Variants in MGAT5 observed in about 807,000 individuals in gnomAD.
MGAT5 encodes alpha-1,6-mannosylglycoprotein 6-beta-N-acetylglucosaminyltransferase A.
In MGAT5, 30 loss-of-function variants were observed where a neutral mutation model predicts 94.3. The ratio of observed to expected loss-of-function variants is 0.32; its 90% CI spans 0.24 to 0.43. MGAT5 has a LOEUF of 0.43. Ranked by LOEUF, MGAT5 falls within the 20% of genes least tolerant of loss-of-function variation. MGAT5 has a pLI of 1.00. For missense variants in MGAT5, 691 were observed against 905.5 expected, an observed-to-expected ratio of 0.76 and a Z score of 3.04; for synonymous variants, 310 against 322.9, an observed-to-expected ratio of 0.96 and a Z score of 0.43.
At chr2:134,359,271 C>T (rs1228754924) in intron 9 of MGAT5, among the ~76,000 whole-genome samples, 3 of 152,214 alleles carry the variant, frequency 2.0e-5, no homozygotes, top group Admixed American at 2.0e-4. Flanking sequence ...CACTGCTGTT[C>T]ACAGGGTCCA....
intron 2 of MGAT5, among the ~76,000 whole-genome samples, chr2:134,279,559 A>G (rs1391299831): frequency 1.5e-4 from 23 of 152,242 alleles, no homozygotes; most frequent in Non-Finnish European, 1.5e-5. Context: ...GTGAGACTAT[A>G]TATATCCCTG....
At chr2:134,182,693 C>T (rs1254208596) in intron 1 of MGAT5, among the ~76,000 whole-genome samples, 1 of 151,754 alleles carries the variant, frequency 6.6e-6, no homozygotes, top group African/African-American at 2.4e-5. Context: ...TACTTAATCA[C>T]TGCATTGACT....
chr2:134,171,508 A>T (rs987446437), intron 1 of MGAT5, among the ~76,000 whole-genome samples: 1 of 152,156 alleles, frequency 6.6e-6, no homozygotes, highest in Admixed American at 6.5e-5. Context: ...ATGGATTTGG[A>T]TCCTAACAAG....
intron 8 of MGAT5, among the ~76,000 whole-genome samples, chr2:134,347,394 G>A (rs1053046732): frequency 2.6e-5 from 4 of 152,138 alleles, no homozygotes; most frequent in South Asian, 2.1e-4. Flanking sequence ...TGCAAAGTCC[G>A]GGCTTTCAGG....
At chr2:134,249,642 C>A (rs1404011490), upstream of MGAT5, among the ~76,000 whole-genome samples, 1 of 152,078 alleles carries the variant, frequency 6.6e-6, no homozygotes, top group Non-Finnish European at 1.5e-5. Flanking sequence ...TTTCCATTTC[C>A]TCAGTTGATG....
At chr2:134,183,275 C>A (rs1055571583) in intron 1 of MGAT5, among the ~76,000 whole-genome samples, 8 of 152,112 alleles carry the variant, frequency 5.3e-5, no homozygotes, top group African/African-American at 1.9e-4. Flanking sequence ...AATACGGTTG[C>A]TTTCATAATG....
intron 1 of MGAT5, among the ~76,000 whole-genome samples, chr2:134,222,438 A>C (rs188602159): frequency 2.6e-5 from 4 of 152,374 alleles, no homozygotes; most frequent in Admixed American, 2.6e-4. Context: ...ATTCTATGAT[A>C]TATCTTACTT....
At chr2:134,248,198 C>G (rs947417040) in intron 1 of MGAT5, among the ~76,000 whole-genome samples, 6 of 152,206 alleles carry the variant, frequency 3.9e-5, no homozygotes, top group Non-Finnish European at 8.8e-5. Flanking sequence ...AGAAGGAGGT[C>G]TTGGAGGTCT....
intron 1 of MGAT5, among the ~76,000 whole-genome samples, chr2:134,172,359 G>A (rs181935767): frequency 8.0e-4 from 122 of 151,702 alleles, no homozygotes; most frequent in Non-Finnish European, 1.3e-3. Context: ...TATGGAGGAA[G>A]GAATTTCCTA....
At chr2:134,183,925 G>GAA (rs1688874148) in intron 1 of MGAT5, among the ~76,000 whole-genome samples, 1 of 152,204 alleles carries the variant, frequency 6.6e-6, no homozygotes. Context: ...AGACGAAAAT[G>GAA]AACAGTTCTA....
At chr2:134,207,890 G>A (rs1214960886) in intron 1 of MGAT5, among the ~76,000 whole-genome samples, 2 of 152,212 alleles carry the variant, frequency 1.3e-5, no homozygotes, top group Non-Finnish European at 2.9e-5. Context: ...CATTGACTCT[G>A]ATACCTTGTT....
At position 134,331,418 on chromosome 2, in the gene MGAT5, A is replaced by G. The variant is rs186492486; in HGVS notation, c.574-4799A>G. On this transcript the variant is annotated intron_variant, in intron 4 of 15. Transcript: ENST00000281923. ...AGTTCATGTCAGAGTTTGCTTTCCA[A>G]TTGAAGGTTACTGGAGGAATGCTTC... Among the ~76,000 whole-genome samples, 101 of 152,204 alleles carry G rather than the reference A, an allele frequency of 6.6e-4. 1 individual carries two copies. The highest frequency in any genetic ancestry group is 1.3e-3 in the Non-Finnish European group (85 of 67,992).
At chr2:134,338,686 G>A (rs1435554431) in intron 6 of MGAT5, among the ~76,000 whole-genome samples, 1 of 151,996 alleles carries the variant, frequency 6.6e-6, no homozygotes, top group African/African-American at 2.4e-5. Context: ...TCTTTGTCAG[G>A]GTATCAGGAA....
chr2:134,226,260 T>A (rs1476053809), intron 1 of MGAT5, among the ~76,000 whole-genome samples: 3 of 152,220 alleles, frequency 2.0e-5, no homozygotes, highest in African/African-American at 7.2e-5. Flanking sequence ...ATTGAAGATT[T>A]AGCAGGTGGA....
At chr2:134,328,129 A>G (rs1477342039) in intron 4 of MGAT5, among the ~76,000 whole-genome samples, 1 of 152,118 alleles carries the variant, frequency 6.6e-6, no homozygotes, top group Middle Eastern at 3.4e-3. Flanking sequence ...GCAATTTGGG[A>G]TGGATTATTG....
chr2:134,143,431 C>T (rs1427671902), intron 1 of MGAT5, among the ~76,000 whole-genome samples: 1 of 152,200 alleles, frequency 6.6e-6, no homozygotes, highest in Non-Finnish European at 1.5e-5. Flanking sequence ...CCCCTGCTTG[C>T]TGCCTATTTT....
chr2:134,171,369 A>T (rs1162521412), intron 1 of MGAT5, among the ~76,000 whole-genome samples: 1 of 152,218 alleles, frequency 6.6e-6, no homozygotes. Context: ...AATGTAGGCT[A>T]GTCCGGAAAG....
chr2:134,437,756 C>G (rs1453656705), intron 14 of MGAT5, among the ~76,000 whole-genome samples: 1 of 152,150 alleles, frequency 6.6e-6, no homozygotes, highest in Admixed American at 6.5e-5. Context: ...TGGCTTACAC[C>G]TGTAATCCCA....
At chr2:134,279,146 T>C (rs1192332241) in intron 2 of MGAT5, among the ~76,000 whole-genome samples, 1 of 152,204 alleles carries the variant, frequency 6.6e-6, no homozygotes, top group Non-Finnish European at 1.5e-5. Flanking sequence ...CTCCTGCCGG[T>C]CAGGCACTGT....
Sources: allele counts gnomAD v4.1 joint callset (sites outside exome capture counted in the v4.1 genomes callset), GRCh38; gene constraint gnomAD v4.1.1; transcripts MANE v1.5; gene names NCBI Gene and HGNC (gene_info 2026-07-23, HGNC 2026-07-21).